KCNN3: variants seen among roughly 807,000 people sequenced by gnomAD.
KCNN3 encodes small conductance calcium-activated potassium channel protein 3.
Under a neutral mutation model 62.9 loss-of-function variants are expected in KCNN3, and 16 were observed. The ratio of observed to expected loss-of-function variants is 0.25; its 90% CI spans 0.17 to 0.39. KCNN3 has a LOEUF of 0.39. Among genes scored for constraint, KCNN3 ranks in the 10% least tolerant of loss-of-function variants. The pLI, the probability that KCNN3 is intolerant of heterozygous loss-of-function variation, is 1.00. For missense variants in KCNN3, 599 were observed against 949.4 expected (o/e 0.63, Z 4.85); for synonymous variants, 370 against 389.2 (o/e 0.95, Z 0.58).
At chr1:154,853,954 A>AT (rs1652411547) in intron 1 of KCNN3, among the ~76,000 whole-genome samples, 3 of 151,604 alleles carry the variant, frequency 2.0e-5, no homozygotes, top group Non-Finnish European at 4.4e-5. Flanking sequence ...ACAAAAAAAA[A>AT]GCTGGGCGCG....
chr1:154,830,330 G>T lies in KCNN3; in HGVS notation c.934-8146C>A, dbSNP rs1295099527. Among the ~76,000 whole-genome samples the T allele has an allele frequency of 4.6e-5, 7 of 152,220 alleles. No individual in the cohort carries two copies. In the South Asian group the frequency reaches 6.2e-4, roughly 14 times the overall value. ...ACCGTCCCTGGATGAGGAAGAGGTG[G>T]GGGCTAGATTCAAACCTGTGCTCTC... On this transcript the variant is annotated intron_variant, in intron 1 of 7. Transcript: ENST00000271915.
intron 2 of KCNN3, among the ~76,000 whole-genome samples, chr1:154,789,971 C>T (rs987110881): frequency 4.6e-5 from 7 of 152,102 alleles, no homozygotes; most frequent in Non-Finnish European, 8.8e-5. Context: ...TGCAGTGGTG[C>T]GATCTTGGCT....
At chr1:154,781,962 C>T (rs1307279437) in intron 2 of KCNN3, among the ~76,000 whole-genome samples, 1 of 152,158 alleles carries the variant, frequency 6.6e-6, no homozygotes, top group Non-Finnish European at 1.5e-5. Context: ...ACAGCCAGGA[C>T]AGGGAGGGCT....
chr1:154,701,173 C>T lies in KCNN3; in HGVS notation c.*6803G>A, dbSNP rs1051236086. On this transcript the variant is annotated 3_prime_UTR_variant, in exon 8 of 8. Coordinates refer to ENST00000271915, the MANE Select transcript of KCNN3 (RefSeq NM_002249.6). ...GTCAGTGAGCCCCATGACTTATATA[C>T]CTTTAAGCTCATATAAATTGAAATT... The T allele has an allele frequency of 1.3e-5, 2 of 152,152 alleles. No individual in the cohort carries two copies. The highest frequency in any genetic ancestry group is 6.5e-5 in the Admixed American group (1 of 15,270). The allele number at this position is 152,152 out of a possible 1,614,324, so 9.4% of individuals were successfully genotyped here.
At chr1:154,791,979 G>A (rs1034801508) in intron 2 of KCNN3, among the ~76,000 whole-genome samples, 9 of 152,156 alleles carry the variant, frequency 5.9e-5, no homozygotes, top group South Asian at 2.1e-4. Flanking sequence ...CAGGAAGATC[G>A]CAAAGGAAAC....
rs918069897 is a variant in KCNN3, at chr1:154,697,563, A to C, written c.*10413T>G. 20 of 152,166 alleles carry C rather than the reference A, an allele frequency of 1.3e-4. No homozygotes were observed. Among genetic ancestry groups the C allele is most frequent in the Admixed American group, 2.0e-4 (3 of 15,274 alleles). The allele number at this position is 152,166 out of a possible 1,614,324, so 9.4% of individuals were successfully genotyped here. ...AAAAATGCCCATTCTCTCCAGCTTCAGTTCAAGCAGGAGTGGGGAAGGCCA... is the reference window on the plus strand; with the variant it reads ...AAAAATGCCCATTCTCTCCAGCTTCCGTTCAAGCAGGAGTGGGGAAGGCCA... On this transcript the variant is annotated 3_prime_UTR_variant, in exon 8 of 8. Transcript: ENST00000271915.
At chr1:154,717,270 A>T (rs1700251487) in intron 5 of KCNN3, among the ~76,000 whole-genome samples, 1 of 152,232 alleles carries the variant, frequency 6.6e-6, no homozygotes. Flanking sequence ...CTAGACAATT[A>T]TTAATGGCAA....
At chr1:154,758,313 C>A (rs1306222920) in intron 3 of KCNN3, among the ~76,000 whole-genome samples, 1 of 152,220 alleles carries the variant, frequency 6.6e-6, no homozygotes, top group Non-Finnish European at 1.5e-5. Context: ...GTCCTGATCA[C>A]AGGATGGATC....
intron 3 of KCNN3, among the ~76,000 whole-genome samples, chr1:154,770,055 C>A (rs1316783307): frequency 6.6e-6 from 1 of 152,182 alleles, no homozygotes; most frequent in Non-Finnish European, 1.5e-5. Flanking sequence ...GGGTCGGAAC[C>A]CAAGCACATG....
intron 2 of KCNN3, among the ~76,000 whole-genome samples, chr1:154,814,444 G>A (rs780429231): frequency 1.2e-4 from 18 of 151,272 alleles, no homozygotes; most frequent in Non-Finnish European, 2.2e-4. Flanking sequence ...CATAAGACAC[G>A]CAGGGACAAG....
At chr1:154,754,431 C>G (rs1021740942) in intron 3 of KCNN3, among the ~76,000 whole-genome samples, 1 of 152,170 alleles carries the variant, frequency 6.6e-6, no homozygotes, top group Non-Finnish European at 1.5e-5. Flanking sequence ...AGCACGTCTC[C>G]TCTTCTTCAT....
chr1:154,850,665 T>C (rs1652265396), intron 1 of KCNN3, among the ~76,000 whole-genome samples: 1 of 152,136 alleles, frequency 6.6e-6, no homozygotes, highest in African/African-American at 2.4e-5. Flanking sequence ...CTTGAGGAGG[T>C]TATTCCACCT....
chr1:154,816,020 C>T (rs148346896), intron 2 of KCNN3, among the ~76,000 whole-genome samples: 133 of 152,332 alleles, frequency 8.7e-4, no homozygotes, highest in Middle Eastern at 3.4e-3. Flanking sequence ...GGAAGTGAGG[C>T]TTCCTATAAT....
intron 2 of KCNN3, among the ~76,000 whole-genome samples, chr1:154,773,307 G>C (rs1219662448): frequency 6.6e-6 from 1 of 152,198 alleles, no homozygotes; most frequent in Non-Finnish European, 1.5e-5. Context: ...CATGCGCCCT[G>C]CCCTTTGCTT....
intron 3 of KCNN3, among the ~76,000 whole-genome samples, chr1:154,738,397 GC>G (rs1301419374): frequency 6.6e-6 from 1 of 152,174 alleles, no homozygotes; most frequent in Non-Finnish European, 1.5e-5. Context: ...ATCTGAATTG[GC>G]CAAAGTATTA....
At chr1:154,860,682 C>T (rs567626882) in intron 1 of KCNN3, among the ~76,000 whole-genome samples, 1 of 152,204 alleles carries the variant, frequency 6.6e-6, no homozygotes, top group Non-Finnish European at 1.5e-5. Context: ...GGGGCATGTT[C>T]CACACGTGCT....
intron 2 of KCNN3, among the ~76,000 whole-genome samples, chr1:154,785,995 G>A (rs928796269): frequency 6.6e-6 from 1 of 152,180 alleles, no homozygotes; most frequent in African/African-American, 2.4e-5. Flanking sequence ...ACTAAGTGGT[G>A]GAGACAGGAT....
intron 1 of KCNN3, among the ~76,000 whole-genome samples, chr1:154,844,097 T>A (rs13375518): frequency 0.032 from 4,881 of 152,266 alleles, 273 homozygotes; most frequent in African/African-American, 0.11. Context: ...AGGGAGCAAA[T>A]GAATGTCCCC....
chr1:154,791,553 G>A (rs1049140044), intron 2 of KCNN3, among the ~76,000 whole-genome samples: 3 of 152,170 alleles, frequency 2.0e-5, no homozygotes, highest in Non-Finnish European at 4.4e-5. Context: ...CTGAGAATGT[G>A]GAGGAGGAAG....
Sources: gnomAD v4.1 joint callset for allele counts (sites outside exome capture counted in the v4.1 genomes callset) on GRCh38, gnomAD v4.1.1 for gene constraint, MANE v1.5 for transcripts, NCBI Gene and HGNC (gene_info 2026-07-23, HGNC 2026-07-21) for gene names.